Variants in ABLIM2 observed in about 807,000 individuals in gnomAD.
ABLIM2 encodes the protein actin-binding LIM protein 2.
ABLIM2 carries 53 observed loss-of-function variants against 97.7 expected under a neutral mutation model. The observed-to-expected ratio is 0.54, with a 90% CI of 0.44 to 0.68. The LOEUF (loss-of-function observed/expected upper bound fraction) is 0.68, where lower values mean the gene tolerates loss of function less well. Among genes scored for constraint, ABLIM2 ranks in the 30% least tolerant of loss-of-function variants. ABLIM2 has a pLI of 0.00. For synonymous variants in ABLIM2, 361 were observed against 345.8 expected (o/e 1.04, Z -0.49); for missense variants, 835 against 867.2 (o/e 0.96, Z 0.47).
intron 2 of ABLIM2, among the ~76,000 whole-genome samples, chr4:8,104,115 G>A (rs1403358010): frequency 2.0e-5 from 3 of 152,176 alleles, no homozygotes; most frequent in East Asian, 1.9e-4. Context: ...GCTCCCTGGC[G>A]CTGACACGCC....
At position 8,128,035 on chromosome 4, in the gene ABLIM2, T is replaced by C. The variant is rs1213784032; in HGVS notation, c.11-21398A>G. On this transcript the variant is annotated intron_variant, in intron 1 of 20. Coordinates refer to ENST00000447017, the MANE Select transcript of ABLIM2 (RefSeq NM_001130083.2). The surrounding 1 kb of genome is among the most constrained non-coding windows in gnomAD (Gnocchi z 4.9). ...CTCTCGCAGTTCTGGGGGCCAGAAG[T>C]CTGACATGAAGGTGCCAGCAGGACC... 2.0e-5 allele frequency among the ~76,000 whole-genome samples: 3 copies of C among 152,116 alleles called. No individual in the cohort carries two copies. Among genetic ancestry groups the C allele is most frequent in the African/African-American group, 7.2e-5 (3 of 41,436 alleles).
intron 12 of ABLIM2, among the ~76,000 whole-genome samples, chr4:8,025,091 C>T (rs910012051): frequency 1.3e-5 from 2 of 152,136 alleles, no homozygotes; most frequent in Non-Finnish European, 2.9e-5. Flanking sequence ...CCACACCCGG[C>T]TAATTTTTGT....
chr4:8,103,718 T>G (rs1284390297), intron 2 of ABLIM2, among the ~76,000 whole-genome samples: 1 of 152,176 alleles, frequency 6.6e-6, no homozygotes, highest in African/African-American at 2.4e-5. Flanking sequence ...CCACATCCAC[T>G]GAAGGAGGCT....
intron 1 of ABLIM2, among the ~76,000 whole-genome samples, chr4:8,108,690 T>C (rs2152769308): frequency 6.6e-6 from 1 of 152,242 alleles, no homozygotes; most frequent in African/African-American, 2.4e-5. Flanking sequence ...CCGCCTCCAG[T>C]CCCCCGAGGC....
Position 7,969,730 on chromosome 4 carries a change from G to GACACACACACAC in ABLIM2, c.1825-2639_1825-2628dup, listed in dbSNP as rs56236019. The stretch of plus-strand genomic sequence containing the variant: ...TCAGTCTCTCTTTCTCTCTCTCTCT[G>GACACACACACAC]ACACACACACACACACACACACACA... On this transcript the variant is annotated intron_variant, in intron 20 of 20. Coordinates refer to ENST00000447017, the MANE Select transcript of ABLIM2 (RefSeq NM_001130083.2). Among the ~76,000 whole-genome samples the GACACACACACAC allele has an allele frequency of 5.1e-3, 719 of 139,676 alleles. 16 individuals are homozygous for GACACACACACAC. The highest frequency in any genetic ancestry group is 0.012 in the African/African-American group (440 of 37,794). 91.6% of individuals were successfully genotyped at this position (139,676 alleles called of 152,430 possible). A position where few individuals can be genotyped will look rare whatever the true frequency, so the allele number is the denominator to read the frequency against.
intron 10 of ABLIM2, among the ~76,000 whole-genome samples, chr4:8,035,934 A>G (rs1459352206): frequency 1.3e-5 from 2 of 152,224 alleles, no homozygotes; most frequent in East Asian, 1.9e-4. Context: ...TCACTCCTTC[A>G]GCAACGGCAG....
At position 8,113,983 on chromosome 4, in the gene ABLIM2, A is replaced by G. The variant is rs1328445702; in HGVS notation, c.11-7346T>C. Among the ~76,000 whole-genome samples, 4 of 152,138 alleles carry G rather than the reference A, an allele frequency of 2.6e-5. No individual in the cohort carries two copies. The highest frequency in any genetic ancestry group is 2.6e-4 in the Admixed American group (4 of 15,272). On this transcript the variant is annotated intron_variant, in intron 1 of 20. Transcript: ENST00000447017. This position sits in a 1 kb window ranked among gnomAD's most constrained non-coding sequence, Gnocchi z 4.5. ...CAGGGAGGGCTTCTGGGAGGAGGTG[A>G]CATAAACTAGAAGCTCAGAGGATGG...
intron 1 of ABLIM2, among the ~76,000 whole-genome samples, chr4:8,137,569 C>T (rs1364851894): frequency 6.6e-6 from 1 of 152,186 alleles, no homozygotes; most frequent in Non-Finnish European, 1.5e-5. Context: ...TCAGCCTGGC[C>T]GGGCACAGGC....
At chr4:8,027,671 G>T in intron 12 of ABLIM2, 88 bp downstream of exon 12, 3 of 1,085,022 alleles carry the variant, frequency 2.8e-6, no homozygotes, top group South Asian at 2.0e-5. Context: ...CTCCGGTGAA[G>T]CCATGCGGCA....
In ABLIM2 at chr4:8,088,207, G is replaced by A. The variant is rs925198356; in HGVS notation, c.416C>T (p.Ser139Leu). Reference protein sequence around the residue: ...CMCQKCSLPVSVGSSAHLSQG... With the variant: ...CMCQKCSLPVLVGSSAHLSQG... ...GGACAGGTGCGCGCTGCTGCCCACC[G>A]ATACGGGCAGGGAACACTTCTGGCA... The change falls in exon 4 of 21, where the codon TCG becomes TTG. Residue 139 changes from serine (S) to leucine (L), a missense_variant. Physicochemically the swap from Ser to Leu is moderately radical, Grantham distance 145. Transcript: ENST00000447017. 26 of 1,611,672 alleles carry A rather than the reference G, an allele frequency of 1.6e-5. No homozygotes were observed. Among genetic ancestry groups the A allele is most frequent in the African/African-American group, 4.0e-5 (3 of 74,216 alleles).
chr4:8,017,571 A>G (rs767968715), intron 14 of ABLIM2, among the ~76,000 whole-genome samples: 9 of 152,136 alleles, frequency 5.9e-5, no homozygotes, highest in Non-Finnish European at 8.8e-5. Flanking sequence ...TACAGGTGTG[A>G]GCCACCACAC....
chr4:8,098,631 C>T (rs936591697), intron 2 of ABLIM2, among the ~76,000 whole-genome samples: 19 of 152,192 alleles, frequency 1.2e-4, no homozygotes, highest in Middle Eastern at 3.2e-3. Context: ...AGCTTAGATT[C>T]CAGATGCCGG....
intron 17 of ABLIM2, among the ~76,000 whole-genome samples, chr4:7,988,557 C>T (rs375790214): frequency 1.8e-4 from 27 of 152,348 alleles, no homozygotes; most frequent in Admixed American, 1.2e-3. Context: ...CCATTTGCCA[C>T]TGGTCACCCT....
chr4:7,989,881 T>C (rs914169512), intron 17 of ABLIM2, among the ~76,000 whole-genome samples: 5 of 152,192 alleles, frequency 3.3e-5, no homozygotes, highest in African/African-American at 1.2e-4. Context: ...CATTACTGCC[T>C]TACCCACAGG....
chr4:8,040,610 CAA>C (rs58125904), intron 9 of ABLIM2, among the ~76,000 whole-genome samples: 43 of 132,362 alleles, frequency 3.2e-4, no homozygotes, highest in Admixed American at 3.1e-4. Flanking sequence ...GACTCCATTT[CAA>C]AAAAAAAAAA....
At chr4:8,073,383 G>A (rs1813727658) in intron 6 of ABLIM2, among the ~76,000 whole-genome samples, 1 of 151,736 alleles carries the variant, frequency 6.6e-6, no homozygotes, top group Non-Finnish European at 1.5e-5. Context: ...GTCCAGGACA[G>A]TGTGGAAGGT....
At chr4:7,972,664 G>A (rs1261327667) in intron 20 of ABLIM2, among the ~76,000 whole-genome samples, 3 of 152,058 alleles carry the variant, frequency 2.0e-5, no homozygotes, top group Admixed American at 6.5e-5. Flanking sequence ...CGCCACGGGG[G>A]CTCCCCCGCC....
chr4:8,030,233 C>T (rs772403134), intron 10 of ABLIM2, among the ~76,000 whole-genome samples: 2 of 152,174 alleles, frequency 1.3e-5, no homozygotes, highest in Admixed American at 1.3e-4. Flanking sequence ...AAAGTTACTC[C>T]ACCCCAGGCC....
chr4:8,005,206 G>A lies in ABLIM2; in HGVS notation c.1618+2853C>T, dbSNP rs543497101. ...GGGATGCGTGTGCGCTCGCTCTGTC[G>A]GCGTCTCTGCCTCTCTCAGCTCCCT... On this transcript the variant is annotated intron_variant, in intron 16 of 20. Coordinates refer to ENST00000447017, the MANE Select transcript of ABLIM2 (RefSeq NM_001130083.2). This position sits in a 1 kb window ranked among gnomAD's most constrained non-coding sequence, Gnocchi z 4.9. 29 of 452,596 alleles carry A rather than the reference G, an allele frequency of 6.4e-5. No homozygotes were observed. The highest frequency in any genetic ancestry group is 2.4e-4 in the East Asian group (4 of 16,900). The allele number at this position is 452,596 out of a possible 1,614,324, so 28.0% of individuals were successfully genotyped here. A position where few individuals can be genotyped will look rare whatever the true frequency, so the allele number is the denominator to read the frequency against.
Sources: gnomAD v4.1 joint callset for allele counts (sites outside exome capture counted in the v4.1 genomes callset) on GRCh38, gnomAD v4.1.1 for gene constraint, Gnocchi (gnomAD v3.1) non-coding constraint, MANE v1.5 for transcripts, NCBI Gene and HGNC (gene_info 2026-07-23, HGNC 2026-07-21) for gene names.